The following SLC24A2 variants were observed in gnomAD, a reference collection of about 807,000 sequenced individuals.
SLC24A2 encodes the protein sodium/potassium/calcium exchanger 2.
A neutral mutation model predicts 62.0 loss-of-function variants in SLC24A2; 36 were observed. That is an observed-to-expected ratio of 0.58 (90% CI 0.44 to 0.77). The LOEUF is 0.77. Among genes scored for constraint, SLC24A2 ranks in the 30% least tolerant of loss-of-function variants. The pLI is 0.00. For missense variants in SLC24A2, 846 were observed against 817.9 expected (o/e 1.03, Z -0.42); for synonymous variants, 358 against 294.0 (o/e 1.22, Z -2.23).
the SLC24A2 span, among the ~76,000 whole-genome samples, chr9:20,187,553 C>G: frequency 7.2e-5 from 11 of 152,266 alleles, no homozygotes; most frequent in Non-Finnish European, 1.5e-4. Flanking sequence ...TCTTGCAGTT[C>G]TAGAACTTCC....
rs114250655 is a variant in SLC24A2 at position 19,646,624 on chromosome 9, C to T, written c.931-24325G>A. Reference sequence around the variant, plus strand: ...GAAAGATTTTGATGGATAATAACAACCTTTCCTCTTTCAAGGGTGTGCTTA... The same window carrying T: ...GAAAGATTTTGATGGATAATAACAATCTTTCCTCTTTCAAGGGTGTGCTTA... On this transcript the variant is annotated intron_variant, in intron 2 of 10. Transcript: ENST00000341998. 5.9e-3 allele frequency among the ~76,000 whole-genome samples: 893 copies of T among 152,272 alleles called. 11 individuals are homozygous for T. The highest frequency in any genetic ancestry group is 0.021 in the African/African-American group (853 of 41,540).
At chr9:19,973,054 G>T in the SLC24A2 span, among the ~76,000 whole-genome samples, 1 of 152,122 alleles carries the variant, frequency 6.6e-6, no homozygotes, top group Middle Eastern at 3.2e-3. Context: ...AAACCAAAGG[G>T]AAGCCAGGTG....
At chr9:19,657,641 C>T (rs1236075171) in intron 2 of SLC24A2, among the ~76,000 whole-genome samples, 2 of 152,118 alleles carry the variant, frequency 1.3e-5, no homozygotes, top group East Asian at 3.9e-4. Flanking sequence ...AACCCCAAAT[C>T]CTGCTTTTTC....
the SLC24A2 span, among the ~76,000 whole-genome samples, chr9:20,295,817 C>T: frequency 6.6e-6 from 1 of 152,198 alleles, no homozygotes; most frequent in African/African-American, 2.4e-5. Flanking sequence ...GCCAGCATCC[C>T]AGGGTCTCCA....
At chr9:20,057,215 T>C in the SLC24A2 span, among the ~76,000 whole-genome samples, 1 of 152,250 alleles carries the variant, frequency 6.6e-6, no homozygotes, top group Non-Finnish European at 1.5e-5. Context: ...CCTATAACTA[T>C]CACTTTTTTT....
chr9:19,979,759 T>C, the SLC24A2 span, among the ~76,000 whole-genome samples: 1 of 152,146 alleles, frequency 6.6e-6, no homozygotes, highest in South Asian at 2.1e-4. Flanking sequence ...ATTCTTAAAA[T>C]TGCCATAAGA....
At chr9:19,647,579 A>G (rs965019934) in intron 2 of SLC24A2, among the ~76,000 whole-genome samples, 10 of 152,238 alleles carry the variant, frequency 6.6e-5, no homozygotes, top group Non-Finnish European at 1.2e-4. Context: ...ATGGGACATT[A>G]ATGGCAATTT....
At chr9:20,102,549 G>A in the SLC24A2 span, among the ~76,000 whole-genome samples, 4 of 151,904 alleles carry the variant, frequency 2.6e-5, no homozygotes, top group Admixed American at 1.3e-4. Context: ...TGTAGATGAC[G>A]GGTTGATGGG....
the SLC24A2 span, among the ~76,000 whole-genome samples, chr9:19,903,950 T>G: frequency 6.6e-6 from 1 of 152,104 alleles, no homozygotes; most frequent in African/African-American, 2.4e-5. Context: ...TGCACAAAGA[T>G]TTTGTAACTA....
At chr9:19,677,158 A>G (rs1201322155) in intron 2 of SLC24A2, among the ~76,000 whole-genome samples, 1 of 152,256 alleles carries the variant, frequency 6.6e-6, no homozygotes, top group East Asian at 1.9e-4. Context: ...TATTCACAAT[A>G]GCAAAGACAT....
chr9:20,090,433 C>T, the SLC24A2 span, among the ~76,000 whole-genome samples: 11 of 152,096 alleles, frequency 7.2e-5, no homozygotes, highest in Non-Finnish European at 1.2e-4. Flanking sequence ...GAGGAGCCCA[C>T]GCTATCAGAG....
chr9:19,766,502 T>G (rs1822519600), intron 2 of SLC24A2, among the ~76,000 whole-genome samples: 1 of 152,196 alleles, frequency 6.6e-6, no homozygotes, highest in Non-Finnish European at 1.5e-5. Context: ...TCCTTTTTAT[T>G]GATGTTGATG....
chr9:20,061,920 G>A, the SLC24A2 span, among the ~76,000 whole-genome samples: 1 of 152,094 alleles, frequency 6.6e-6, no homozygotes, highest in Non-Finnish European at 1.5e-5. Context: ...GAAAATATTT[G>A]CAAATCATAT....
chr9:20,010,959 A>C, the SLC24A2 span, among the ~76,000 whole-genome samples: 6 of 151,976 alleles, frequency 3.9e-5, no homozygotes, highest in African/African-American at 1.5e-4. Flanking sequence ...TTATGGCTGC[A>C]TGGTATTCCA....
At chr9:19,834,953 G>C in the SLC24A2 span, among the ~76,000 whole-genome samples, 3 of 152,136 alleles carry the variant, frequency 2.0e-5, no homozygotes, top group Non-Finnish European at 4.4e-5. Context: ...TTTCAACCCA[G>C]AATTTCATAT....
At chr9:20,050,240 CAA>C in the SLC24A2 span, among the ~76,000 whole-genome samples, 15 of 59,540 alleles carry the variant, frequency 2.5e-4, no homozygotes, top group East Asian at 9.9e-4. Flanking sequence ...CCCGTCTCTA[CAA>C]AAAAAAAAAA....
chr9:19,774,863 G>A (rs1034449704), intron 2 of SLC24A2, among the ~76,000 whole-genome samples: 2 of 152,190 alleles, frequency 1.3e-5, no homozygotes, highest in Non-Finnish European at 2.9e-5. Context: ...AGCGATTCAT[G>A]ACCTAACTAT....
At chr9:20,281,426 T>C in the SLC24A2 span, among the ~76,000 whole-genome samples, 1 of 152,154 alleles carries the variant, frequency 6.6e-6, no homozygotes, top group Non-Finnish European at 1.5e-5. Context: ...AGCACCCAGA[T>C]CCAAAACGGA....
At chr9:20,214,411 G>A in the SLC24A2 span, among the ~76,000 whole-genome samples, 1 of 152,034 alleles carries the variant, frequency 6.6e-6, no homozygotes, top group South Asian at 2.1e-4. Flanking sequence ...CAGTAGATAA[G>A]ACCATCCTGG....
Sources: allele counts gnomAD v4.1 joint callset (sites outside exome capture counted in the v4.1 genomes callset), GRCh38; gene constraint gnomAD v4.1.1; transcripts MANE v1.5; gene names NCBI Gene and HGNC (gene_info 2026-07-23, HGNC 2026-07-21).